ALK: variants seen among roughly 807,000 people sequenced by gnomAD.
ALK encodes ALK tyrosine kinase receptor.
A neutral mutation model predicts 163.1 loss-of-function variants in ALK; 74 were observed. That is an observed-to-expected ratio of 0.45 (90% CI 0.38 to 0.55). ALK has a LOEUF of 0.55. ALK is among the 20% of genes least tolerant of loss of function. The pLI is 0.00. For missense variants in ALK, 2,063 were observed against 2,105.3 expected (o/e 0.98, Z 0.39); for synonymous variants, 960 against 843.2 (o/e 1.14, Z -2.40).
chr2:29,412,447 A>G (rs1408911969), intron 4 of ALK, among the ~76,000 whole-genome samples: 1 of 152,144 alleles, frequency 6.6e-6, no homozygotes, highest in Non-Finnish European at 1.5e-5. Context: ...CATTGCTTCC[A>G]AGCAAAACTG....
At chr2:29,705,979 T>C (rs1335809658) in intron 2 of ALK, among the ~76,000 whole-genome samples, 1 of 152,198 alleles carries the variant, frequency 6.6e-6, no homozygotes, top group East Asian at 1.9e-4. Context: ...GAGAAACGTG[T>C]GCTCCTCTCT....
chr2:29,225,203 C>T lies in ALK; in HGVS notation c.3172+258G>A, dbSNP rs200081870. 1.4e-4 allele frequency among the ~76,000 whole-genome samples: 22 copies of T among 152,180 alleles called. 1 individual carries two copies. The East Asian group carries it at 3.9e-3, about 27-fold the overall frequency. ...TGATGGACACTGAAGGAGCTCCCCA[C>T]CCCCTGATCAGCCAGGAGGATACAC... On this transcript the variant is annotated intron_variant, in intron 19 of 28. Transcript: ENST00000389048.
intron 3 of ALK, among the ~76,000 whole-genome samples, chr2:29,586,618 T>C (rs1246199766): frequency 6.6e-6 from 1 of 152,202 alleles, no homozygotes; most frequent in Non-Finnish European, 1.5e-5. Context: ...GGTCCTGTTA[T>C]CTACCTGGGA....
chr2:29,904,696 C>CT (rs755692665), intron 1 of ALK, among the ~76,000 whole-genome samples: 23 of 152,278 alleles, frequency 1.5e-4, no homozygotes, highest in South Asian at 1.0e-3. Context: ...TTCATATTAG[C>CT]TTAAGAATGT....
In ALK at chr2:29,743,691, T is replaced by C. The variant is rs140871731; in HGVS notation, c.668-25994A>G. 7.9e-5 allele frequency among the ~76,000 whole-genome samples: 12 copies of C among 152,336 alleles called. 1 individual carries two copies. Among genetic ancestry groups the C allele is most frequent in the African/African-American group, 2.9e-4 (12 of 41,584 alleles). ...CACACAGCATCTTTTAAAGACCATC[T>C]GCCAGAAACCACCCAACAGATGGGG... On this transcript the variant is annotated intron_variant, in intron 1 of 28. Transcript: ENST00000389048.
At chr2:29,825,952 A>G (rs1665185060) in intron 1 of ALK, among the ~76,000 whole-genome samples, 2 of 152,312 alleles carry the variant, frequency 1.3e-5, no homozygotes, top group East Asian at 1.9e-4. Flanking sequence ...GATGTTCTAG[A>G]GGCTCTGGTA....
chr2:29,193,898 A>G lies in ALK; in HGVS notation c.4189T>C (p.Leu1397=), dbSNP rs1412959184. 1 of 1,614,190 alleles carries G rather than the reference A, an allele frequency of 6.2e-7. No homozygotes were observed. The highest frequency in any genetic ancestry group is 1.1e-5 in the South Asian group (1 of 91,080). ...ACAAGTGGACCATATTCTATCGGCAAAGCGGTGTTGATTACATCCGGGTCC... is the reference window on the plus strand; with the variant it reads ...ACAAGTGGACCATATTCTATCGGCAGAGCGGTGTTGATTACATCCGGGTCC... ...TQDPDVINTA[L]PIEYGPLVEE... The change falls in exon 29 of 29, where the codon TTG becomes CTG. Residue 1397 remains leucine, a synonymous_variant. Coordinates refer to ENST00000389048, the MANE Select transcript of ALK (RefSeq NM_004304.5).
intron 5 of ALK, among the ~76,000 whole-genome samples, chr2:29,369,260 C>T (rs746139085): frequency 2.0e-5 from 3 of 152,066 alleles, no homozygotes; most frequent in Non-Finnish European, 2.9e-5. Flanking sequence ...AGGATCACCA[C>T]ATTCAAATGC....
In ALK at chr2:29,251,302, G is replaced by A. The variant is rs13413612; in HGVS notation, c.2042-35C>T. 1.6e-3 allele frequency: 2,580 copies of A among 1,602,686 alleles called. 36 individuals are homozygous for A. The African/African-American group carries it at 0.026, about 16-fold the overall frequency. On this transcript the variant is annotated intron_variant, in intron 11 of 28. Transcript: ENST00000389048. ...AAGAGGAGAGGCAGTCACTCATGTG[G>A]CCAGGCCCTCCCTCCTCCAGGGGCC... is the stretch of plus-strand genomic sequence containing the variant.
chr2:29,513,145 A>T (rs1672569234), intron 4 of ALK, among the ~76,000 whole-genome samples: 2 of 150,672 alleles, frequency 1.3e-5, no homozygotes, highest in African/African-American at 2.5e-5. Flanking sequence ...ATTGGAAAAA[A>T]CTACTTTAAA....
chr2:29,869,419 A>C (rs996611079), intron 1 of ALK, among the ~76,000 whole-genome samples: 2 of 152,314 alleles, frequency 1.3e-5, no homozygotes, highest in African/African-American at 4.8e-5. Context: ...AATTGTCTCA[A>C]TATTACCCCT....
At chr2:29,662,665 C>A (rs1677385074) in intron 3 of ALK, among the ~76,000 whole-genome samples, 1 of 152,128 alleles carries the variant, frequency 6.6e-6, no homozygotes, top group Non-Finnish European at 1.5e-5. Flanking sequence ...AAGAAACTGT[C>A]AAAGTTGACT....
In ALK at chr2:29,318,309, A is replaced by G; in HGVS notation, c.1642T>C (p.Cys548Arg). ...AGAGAAACAAGGAGACTTGCCTCAC[A>G]TGGAGAGCTCTTGATCGGTGCAGGA... is the stretch of plus-strand genomic sequence containing the variant. Reference protein sequence around the residue: ...TFPAPIKSSPCELRMSWLIRG... With the variant: ...TFPAPIKSSPRELRMSWLIRG... Residue 548 changes from cysteine (C) to arginine (R), a missense_variant, in exon 8 of 29, where the codon TGT becomes CGT. Coordinates refer to ENST00000389048, the MANE Select transcript of ALK (RefSeq NM_004304.5). 1.9e-6 allele frequency: 3 copies of G among 1,612,226 alleles called. No homozygotes were observed. Among genetic ancestry groups the G allele is most frequent in the South Asian group, 1.1e-5 (1 of 91,032 alleles).
rs528579102 is a variant in ALK, at chr2:29,410,312, A to G, written c.1155-26453T>C. On this transcript the variant is annotated intron_variant, in intron 4 of 28. Coordinates refer to ENST00000389048, the MANE Select transcript of ALK (RefSeq NM_004304.5). ...TTTGGAAAGGCTAATCAGAAACTCAAAAGAATATAACCCTTTGTGTATCAC... is the reference window on the plus strand; with the variant it reads ...TTTGGAAAGGCTAATCAGAAACTCAGAAGAATATAACCCTTTGTGTATCAC... Among the ~76,000 whole-genome samples, 6 of 152,312 alleles carry G rather than the reference A, an allele frequency of 3.9e-5. No individual in the cohort carries two copies. In the South Asian group the frequency reaches 1.2e-3, roughly 32 times the overall value.
chr2:29,812,801 G>T (rs145681504), intron 1 of ALK, among the ~76,000 whole-genome samples: 14 of 152,280 alleles, frequency 9.2e-5, no homozygotes, highest in African/African-American at 2.9e-4. Context: ...GCTTCACGTA[G>T]TCATGCTCAT....
intron 12 of ALK, among the ~76,000 whole-genome samples, chr2:29,250,720 G>A (rs926284713): frequency 6.6e-6 from 1 of 152,218 alleles, no homozygotes; most frequent in African/African-American, 2.4e-5. Context: ...AAGGATAAGA[G>A]CATCAGCTTT....
chr2:29,459,564 A>AT (rs200504187), intron 4 of ALK, among the ~76,000 whole-genome samples: 31,299 of 148,436 alleles, frequency 0.21, 3,333 homozygotes, highest in East Asian at 0.37. Context: ...CTAGCTAATG[A>AT]TTTTTTTTTT....
intron 4 of ALK, among the ~76,000 whole-genome samples, chr2:29,424,520 G>T (rs1023583099): frequency 2.0e-5 from 3 of 152,188 alleles, no homozygotes; most frequent in Non-Finnish European, 4.4e-5. Flanking sequence ...TAAGGCAAAA[G>T]AACTAATTAG....
chr2:29,494,056 TC>T (rs1292872711), intron 4 of ALK, among the ~76,000 whole-genome samples: 1 of 152,098 alleles, frequency 6.6e-6, no homozygotes, highest in Non-Finnish European at 1.5e-5. Context: ...TGTCTAAGGG[TC>T]CTCCTATGGG....
Sources: allele counts gnomAD v4.1 joint callset (sites outside exome capture counted in the v4.1 genomes callset), GRCh38; gene constraint gnomAD v4.1.1; transcripts MANE v1.5; gene names NCBI Gene and HGNC (gene_info 2026-07-23, HGNC 2026-07-21).